Variants in CFTR observed in about 807,000 individuals in gnomAD.
The protein encoded by CFTR is cystic fibrosis transmembrane conductance regulator.
A neutral mutation model predicts 171.6 loss-of-function variants in CFTR; 181 were observed. That is an observed-to-expected ratio of 1.05 (90% CI 0.93 to 1.19). The LOEUF is 1.19. Among genes scored for constraint, CFTR ranks in the 50% most tolerant of loss-of-function variants. CFTR has a pLI of 0.00. For missense variants in CFTR, 1,968 were observed against 1,734.7 expected (o/e 1.13, Z -2.39); for synonymous variants, 583 against 608.0 (o/e 0.96, Z 0.60).
chr7:117,590,238 A>G, intron 12 of CFTR, 115 bp from the exon 13 acceptor site: 8 of 1,218,570 alleles, frequency 6.6e-6, no homozygotes, highest in South Asian at 2.7e-5. Context: ...ATTTCAGTGA[A>G]TCGATGTGGT....
chr7:117,578,972 C>A (rs2115994574), intron 11 of CFTR, among the ~76,000 whole-genome samples: 1 of 151,916 alleles, frequency 6.6e-6, no homozygotes, highest in East Asian at 1.9e-4. Context: ...AACAAAGTTG[C>A]TATTGAATAT....
rs1397259779 is a variant in CFTR at position 117,603,723 on chromosome 7, A to G, written c.2849A>G (p.His950Arg). The G allele has an allele frequency of 6.2e-7, 1 of 1,614,072 alleles. No homozygotes were observed. Among genetic ancestry groups the G allele is most frequent in the Non-Finnish European group, 8.5e-7 (1 of 1,179,950 alleles). Reference protein sequence around the residue: ...TLITVSKILHHKMLHSVLQAP... With the variant: ...TLITVSKILHRKMLHSVLQAP... The stretch of plus-strand genomic sequence containing the variant: ...ATCACAGTGTCGAAAATTTTACACC[A>G]CAAAATGTTACATTCTGTTCTTCAA... Residue 950 changes from histidine to arginine, a missense_variant, in exon 17 of 27, where the codon CAC becomes CGC. Physicochemically the swap from His to Arg is conservative, Grantham distance 29. Coordinates refer to ENST00000003084, the MANE Select transcript of CFTR (RefSeq NM_000492.4).
intron 8 of CFTR, among the ~76,000 whole-genome samples, chr7:117,540,790 C>G (rs755013009): frequency 1.3e-5 from 2 of 152,148 alleles, no homozygotes; most frequent in Non-Finnish European, 2.9e-5. Context: ...GTGAGCCACT[C>G]TTAGGTAGTT....
intron 7 of CFTR, among the ~76,000 whole-genome samples, chr7:117,539,321 A>G (rs1799008245): frequency 6.6e-6 from 1 of 152,182 alleles, no homozygotes; most frequent in Admixed American, 6.5e-5. Flanking sequence ...GTGTAATGTG[A>G]TTGCAAATAA....
At chr7:117,550,384 C>T (rs1799248473) in intron 10 of CFTR, among the ~76,000 whole-genome samples, 1 of 151,860 alleles carries the variant, frequency 6.6e-6, no homozygotes, top group Admixed American at 6.6e-5. Flanking sequence ...GGTTGTTTCT[C>T]TCTCCAGTTG....
intron 11 of CFTR, among the ~76,000 whole-genome samples, chr7:117,576,940 G>A (rs1209645839): frequency 1.3e-5 from 2 of 152,110 alleles, no homozygotes; most frequent in Non-Finnish European, 2.9e-5. Flanking sequence ...AAAGCATAGA[G>A]CAAATCACAC....
At chr7:117,612,023 G>GTGTATATATATATA (rs1323046521) in intron 20 of CFTR, among the ~76,000 whole-genome samples, 1 of 53,242 alleles carries the variant, frequency 1.9e-5, no homozygotes, top group African/African-American at 1.1e-4. Flanking sequence ...ATATATATAT[G>GTGTATATATATATA]TATATATATA....
intron 20 of CFTR, among the ~76,000 whole-genome samples, chr7:117,613,129 C>T (rs901908314): frequency 1.3e-5 from 2 of 152,100 alleles, no homozygotes; most frequent in African/African-American, 4.8e-5. Flanking sequence ...CTCATCAGTA[C>T]TGTAATTTTA....
chr7:117,583,448 T>C (rs1201732140), intron 11 of CFTR, among the ~76,000 whole-genome samples: 2 of 152,192 alleles, frequency 1.3e-5, no homozygotes, highest in Non-Finnish European at 2.9e-5. Flanking sequence ...CCTGAGTTAC[T>C]TCATTTAGAA....
At position 117,584,949 on chromosome 7, in the gene CFTR, G is replaced by C. The variant is rs952555812; in HGVS notation, c.1585-2790G>C. ...TTTTTTGTTTGTTTTGTTTTGTTTT[G>C]TTTTGTTTTTGCAGCTGTTGTAAAA... On this transcript the variant is annotated intron_variant, in intron 11 of 26. Coordinates refer to ENST00000003084, the MANE Select transcript of CFTR (RefSeq NM_000492.4). Among the ~76,000 whole-genome samples the C allele has an allele frequency of 3.4e-5, 5 of 148,772 alleles. No individual in the cohort carries two copies. The East Asian group carries it at 7.9e-4, about 23-fold the overall frequency.
intron 22 of CFTR, among the ~76,000 whole-genome samples, chr7:117,634,664 A>G (rs1792799437): frequency 6.6e-6 from 1 of 152,052 alleles, no homozygotes; most frequent in East Asian, 1.9e-4. Flanking sequence ...ATGTTCATTT[A>G]GTTTGAAATA....
intron 22 of CFTR, among the ~76,000 whole-genome samples, chr7:117,629,904 C>T (rs1022504655): frequency 4.6e-5 from 7 of 152,076 alleles, no homozygotes; most frequent in Non-Finnish European, 8.8e-5. Flanking sequence ...CTTTTATTTT[C>T]CACAATGGAG....
At chr7:117,492,251 CAGAAAA>C (rs915280990) in intron 1 of CFTR, among the ~76,000 whole-genome samples, 3 of 151,804 alleles carry the variant, frequency 2.0e-5, no homozygotes, top group African/African-American at 7.3e-5. Context: ...CTTTAGGACT[CAGAAAA>C]AGAGAAGAAA....
chr7:117,562,905 C>T (rs2075726807), intron 11 of CFTR, among the ~76,000 whole-genome samples: 1 of 152,088 alleles, frequency 6.6e-6, no homozygotes, highest in Non-Finnish European at 1.5e-5. Flanking sequence ...TTGGTTGGTG[C>T]AGGGTATCAT....
At chr7:117,492,531 G>A (rs1356161626) in intron 1 of CFTR, among the ~76,000 whole-genome samples, 1 of 151,966 alleles carries the variant, frequency 6.6e-6, no homozygotes, top group Non-Finnish European at 1.5e-5. Flanking sequence ...GGAGATAAAA[G>A]ATAAATATTA....
chr7:117,661,293 C>A (rs563046024), intron 24 of CFTR, among the ~76,000 whole-genome samples: 1 of 152,210 alleles, frequency 6.6e-6, no homozygotes, highest in Non-Finnish European at 1.5e-5. Flanking sequence ...CAAAATGTCC[C>A]CTGTGTTGGT....
intron 26 of CFTR, 112 bp downstream of exon 26, chr7:117,665,676 T>C: frequency 2.6e-6 from 2 of 758,334 alleles, no homozygotes. Flanking sequence ...TTTTCAAAAA[T>C]ATGTATCATA....
intron 23 of CFTR, chr7:117,647,321 T>A (rs1793008222): frequency 6.6e-6 from 1 of 152,076 alleles, no homozygotes; most frequent in South Asian, 2.1e-4. Context: ...ACTGGGTAAT[T>A]TATAAAGAAA....
In CFTR at chr7:117,627,762, G is replaced by A. The variant is rs1554394076; in HGVS notation, c.3709G>A (p.Gly1237Ser). Residue 1237 changes from glycine to serine, a missense_variant, in exon 22 of 27, where the codon GGC becomes AGC. By Grantham distance (56) the Gly-to-Ser change is moderately conservative. Coordinates refer to ENST00000003084, the MANE Select transcript of CFTR (RefSeq NM_000492.4). Reference protein sequence around the residue: ...LENISFSISPGQRVGLLGRTG... With the variant: ...LENISFSISPSQRVGLLGRTG... ...GAACATTTCCTTCTCAATAAGTCCT[G>A]GCCAGAGGGTGAGATTTGAACACTG... 1.2e-6 allele frequency: 2 copies of A among 1,611,040 alleles called. No homozygotes were observed. Among genetic ancestry groups the A allele is most frequent in the Non-Finnish European group, 1.7e-6 (2 of 1,179,346 alleles).
Sources: gnomAD v4.1 joint callset for allele counts (sites outside exome capture counted in the v4.1 genomes callset) on GRCh38, gnomAD v4.1.1 for gene constraint, MANE v1.5 for transcripts, NCBI Gene and HGNC (gene_info 2026-07-23, HGNC 2026-07-21) for gene names.